The following NRG3 variants were observed in gnomAD, a reference collection of about 807,000 sequenced individuals.
NRG3 encodes the protein pro-neuregulin-3, membrane-bound isoform.
A neutral mutation model predicts 66.9 loss-of-function variants in NRG3; 31 were observed. That is an observed-to-expected ratio of 0.46 (90% CI 0.35 to 0.63). The LOEUF (loss-of-function observed/expected upper bound fraction) is 0.63. Ranked by LOEUF, NRG3 falls within the 20% of genes least tolerant of loss-of-function variation. The probability of loss-of-function intolerance (pLI) is 0.00; values close to 1 mark genes in which losing one functional copy is unlikely to be tolerated. For missense variants in NRG3, 910 were observed against 878.9 expected, an observed-to-expected ratio of 1.04 and a Z score of -0.45; for synonymous variants, 393 against 359.4, an observed-to-expected ratio of 1.09 and a Z score of -1.06.
chr10:82,755,937 G>T (rs908013042), intron 3 of NRG3, among the ~76,000 whole-genome samples: 2 of 152,048 alleles, frequency 1.3e-5, no homozygotes, highest in Non-Finnish European at 2.9e-5. Flanking sequence ...TCTTCCACTG[G>T]CTCATATTGA....
intron 1 of NRG3, among the ~76,000 whole-genome samples, chr10:82,311,364 T>C (rs1417893621): frequency 6.6e-6 from 1 of 152,220 alleles, no homozygotes; most frequent in Non-Finnish European, 1.5e-5. Flanking sequence ...TGCTCCTGTG[T>C]AGCACAATGT....
intron 2 of NRG3, among the ~76,000 whole-genome samples, chr10:82,657,904 G>GAA (rs35129207): frequency 0.13 from 18,907 of 144,856 alleles, 1,331 homozygotes; most frequent in East Asian, 0.25. Context: ...CACATACACA[G>GAA]AAAAAAAAAA....
rs369546577 is a variant in NRG3, at chr10:81,878,048, T to C, written c.823+1885T>C. 2.6e-6 allele frequency: 4 copies of C among 1,537,350 alleles called. No individual in the cohort carries two copies. In the African/African-American group the frequency reaches 4.1e-5, roughly 16 times the overall value. The stretch of plus-strand genomic sequence containing the variant: ...AGGGGTATTTCATGTTCTTTCTCAA[T>C]TGATTTCCTTGTGTACCATTCCGGA... On this transcript the variant is annotated intron_variant, in intron 1 of 8. Coordinates refer to ENST00000372141, the MANE Select transcript of NRG3 (RefSeq NM_001010848.4).
At chr10:81,962,964 G>T (rs558772154) in intron 1 of NRG3, among the ~76,000 whole-genome samples, 3 of 152,004 alleles carry the variant, frequency 2.0e-5, no homozygotes, top group East Asian at 3.9e-4. Context: ...GACACAACTC[G>T]CCCTGTTGCT....
chr10:82,607,884 C>G (rs923853977), intron 2 of NRG3, among the ~76,000 whole-genome samples: 3 of 152,248 alleles, frequency 2.0e-5, no homozygotes, highest in African/African-American at 7.2e-5. Context: ...TCCCTCCCTT[C>G]TAGCCCTTAT....
chr10:82,517,174 T>C (rs906552049), intron 2 of NRG3, among the ~76,000 whole-genome samples: 6 of 152,284 alleles, frequency 3.9e-5, no homozygotes, highest in African/African-American at 1.4e-4. Context: ...TGTCCAGTTA[T>C]TCTTCTAGGT....
intron 2 of NRG3, among the ~76,000 whole-genome samples, chr10:82,632,027 G>A (rs561595538): frequency 2.0e-4 from 30 of 152,100 alleles, no homozygotes; most frequent in South Asian, 8.3e-4. Context: ...ACTTGAACCC[G>A]GGAGACAGAG....
At chr10:82,651,751 G>A (rs1438998938) in intron 2 of NRG3, among the ~76,000 whole-genome samples, 1 of 152,190 alleles carries the variant, frequency 6.6e-6, no homozygotes, top group African/African-American at 2.4e-5. Flanking sequence ...TGTAATGGTT[G>A]GAGGCCATGG....
intron 1 of NRG3, among the ~76,000 whole-genome samples, chr10:81,958,355 A>C (rs1442997926): frequency 6.6e-6 from 1 of 152,236 alleles, no homozygotes; most frequent in Non-Finnish European, 1.5e-5. Flanking sequence ...TATGTTTTTC[A>C]AATTAAAAAC....
At chr10:82,003,218 C>G (rs920125461) in intron 1 of NRG3, among the ~76,000 whole-genome samples, 1 of 152,110 alleles carries the variant, frequency 6.6e-6, no homozygotes. Flanking sequence ...AGAGGAATGG[C>G]TCATGGGCAG....
intron 1 of NRG3, among the ~76,000 whole-genome samples, chr10:81,930,542 A>C (rs1465087929): frequency 6.6e-6 from 1 of 151,848 alleles, no homozygotes; most frequent in African/African-American, 2.4e-5. Flanking sequence ...AAACAAAAAG[A>C]CAAAAAACTT....
At chr10:81,886,542 A>G (rs955161979) in intron 1 of NRG3, among the ~76,000 whole-genome samples, 3 of 152,156 alleles carry the variant, frequency 2.0e-5, no homozygotes, top group African/African-American at 7.2e-5. Flanking sequence ...TTAAGATTTT[A>G]TTCCACAATA....
chr10:82,232,792 G>T (rs760977703), intron 1 of NRG3: 54 of 717,298 alleles, frequency 7.5e-5, no homozygotes, highest in Non-Finnish European at 1.3e-4. Context: ...GAAGACCAGA[G>T]TGGTCAGGAG....
chr10:82,221,900 C>T (rs573176167), intron 1 of NRG3, among the ~76,000 whole-genome samples: 2 of 152,090 alleles, frequency 1.3e-5, no homozygotes, highest in African/African-American at 2.4e-5. Flanking sequence ...CATTCTCCCT[C>T]GGGACGGACA....
rs79783990 is a variant in NRG3 at position 82,830,062 on chromosome 10, G to A, written c.1028-35349G>A. On this transcript the variant is annotated intron_variant, in intron 3 of 8. Transcript: ENST00000372141. ...TGATCTTTGATCCAAGTTAAAGGCC[G>A]ACATTAATGTTAACAGTATTTTCTC... 7.6e-3 allele frequency among the ~76,000 whole-genome samples: 1,152 copies of A among 152,234 alleles called. 14 individuals are homozygous for A. The highest frequency in any genetic ancestry group is 0.026 in the African/African-American group (1,086 of 41,550).
At chr10:82,640,256 A>T (rs897577449) in intron 2 of NRG3, among the ~76,000 whole-genome samples, 1 of 152,222 alleles carries the variant, frequency 6.6e-6, no homozygotes, top group Non-Finnish European at 1.5e-5. Flanking sequence ...CATAGCATCA[A>T]CCCAAATGTT....
At chr10:81,968,502 G>A (rs573145174) in intron 1 of NRG3, among the ~76,000 whole-genome samples, 54 of 152,294 alleles carry the variant, frequency 3.5e-4, no homozygotes, top group African/African-American at 1.2e-3. Flanking sequence ...CAGCTCTGAC[G>A]TTGGGGGACT....
At chr10:82,042,334 T>C (rs2064623) in intron 1 of NRG3, among the ~76,000 whole-genome samples, 134,705 of 151,848 alleles carry the variant, frequency 0.89, 60,891 homozygotes, top group South Asian at 0.99. Context: ...TTCACATTTA[T>C]CTTTATTTTT....
chr10:82,447,341 T>C (rs2090783381), intron 2 of NRG3, among the ~76,000 whole-genome samples: 1 of 151,946 alleles, frequency 6.6e-6, no homozygotes, highest in Non-Finnish European at 1.5e-5. Context: ...TTCCAGCACT[T>C]TGGGAGCTGA....
Sources: gnomAD v4.1 joint callset for allele counts (sites outside exome capture counted in the v4.1 genomes callset) on GRCh38, gnomAD v4.1.1 for gene constraint, MANE v1.5 for transcripts, NCBI Gene and HGNC (gene_info 2026-07-23, HGNC 2026-07-21) for gene names.